Variants in CNTNAP2 observed in about 807,000 individuals in gnomAD.
The protein encoded by CNTNAP2 is contactin-associated protein-like 2.
Under a neutral mutation model 155.2 loss-of-function variants are expected in CNTNAP2, and 98 were observed. The ratio of observed to expected loss-of-function variants is 0.63; its 90% CI spans 0.54 to 0.75. CNTNAP2 has a LOEUF of 0.75. CNTNAP2 is among the 30% of genes least tolerant of loss of function. The probability of loss-of-function intolerance (pLI) is 0.00; values close to 1 mark genes in which losing one functional copy is unlikely to be tolerated. For synonymous variants in CNTNAP2, 651 were observed against 631.2 expected (o/e 1.03, Z -0.47); for missense variants, 1,727 against 1,688.1 (o/e 1.02, Z -0.40).
chr7:147,486,993 A>C (rs1361552718), intron 11 of CNTNAP2, among the ~76,000 whole-genome samples: 2 of 151,744 alleles, frequency 1.3e-5, no homozygotes, highest in Admixed American at 1.3e-4. Context: ...CTAATATCTA[A>C]ATCCTCCGAT....
intron 15 of CNTNAP2, among the ~76,000 whole-genome samples, chr7:147,993,472 T>C (rs967995502): frequency 6.6e-6 from 1 of 152,242 alleles, no homozygotes; most frequent in Non-Finnish European, 1.5e-5. Flanking sequence ...CCTGCAGAAC[T>C]GACAGTTTGC....
At chr7:148,260,642 C>T (rs549329346) in intron 20 of CNTNAP2, among the ~76,000 whole-genome samples, 1 of 152,322 alleles carries the variant, frequency 6.6e-6, no homozygotes, top group Admixed American at 6.5e-5. Flanking sequence ...AACAGCAACT[C>T]CAAGATGTAA....
intron 4 of CNTNAP2, among the ~76,000 whole-genome samples, chr7:147,055,913 T>C (rs184110426): frequency 9.5e-4 from 145 of 152,244 alleles, no homozygotes; most frequent in Non-Finnish European, 1.1e-3. Context: ...CTGGAGACCC[T>C]CCAGGCTTTT....
In CNTNAP2 at chr7:147,983,017, C is replaced by CAAAAAAAAAAAAAAA. The variant is rs35946958; in HGVS notation, c.2383+5033_2383+5047dup. On this transcript the variant is annotated intron_variant, in intron 15 of 23. Transcript: ENST00000361727. ...TGGGTGACAGTGTGAGACTCCACCT[C>CAAAAAAAAAAAAAAA]AAAAAAAAAAAAAAAAAAAGCAAAA... Among the ~76,000 whole-genome samples, 3 of 80,874 alleles carry CAAAAAAAAAAAAAAA rather than the reference C, an allele frequency of 3.7e-5. 1 individual carries two copies. The highest frequency in any genetic ancestry group is 7.1e-5 in the Non-Finnish European group (3 of 42,476). 53.1% of individuals were successfully genotyped at this position (80,874 alleles called of 152,430 possible).
At chr7:148,225,768 A>G (rs984013445) in intron 19 of CNTNAP2, among the ~76,000 whole-genome samples, 6 of 152,206 alleles carry the variant, frequency 3.9e-5, no homozygotes, top group South Asian at 4.1e-4. Context: ...GGTAAGATTC[A>G]GGGCATATTT....
At chr7:147,054,637 T>C (rs1413509804) in intron 4 of CNTNAP2, among the ~76,000 whole-genome samples, 1 of 152,136 alleles carries the variant, frequency 6.6e-6, no homozygotes, top group East Asian at 1.9e-4. Context: ...TAGTTTTCAT[T>C]ATCACCTATT....
rs547248192 is a variant in CNTNAP2, at chr7:148,272,443, T to G, written c.3475+5317T>G. Among the ~76,000 whole-genome samples, 5 of 152,292 alleles carry G rather than the reference T, an allele frequency of 3.3e-5. No homozygotes were observed. The East Asian group carries it at 9.6e-4, about 29-fold the overall frequency. ...GGGTGTTCTGTTTGCTCATGTCCTTTTCAACATCTCTATTAATGCCTTGGA... is the reference window on the plus strand; with the variant it reads ...GGGTGTTCTGTTTGCTCATGTCCTTGTCAACATCTCTATTAATGCCTTGGA... On this transcript the variant is annotated intron_variant, in intron 21 of 23. Transcript: ENST00000361727.
chr7:148,163,336 G>T (rs1373288578), intron 17 of CNTNAP2, among the ~76,000 whole-genome samples: 1 of 152,178 alleles, frequency 6.6e-6, no homozygotes, highest in Non-Finnish European at 1.5e-5. Flanking sequence ...TTCTGGAATA[G>T]TGCCTGATAC....
At chr7:147,025,648 T>C (rs866632251) in intron 3 of CNTNAP2, among the ~76,000 whole-genome samples, 1 of 151,880 alleles carries the variant, frequency 6.6e-6, no homozygotes, top group Admixed American at 6.6e-5. Flanking sequence ...CCAAACTGTA[T>C]CATCAACTAT....
intron 13 of CNTNAP2, among the ~76,000 whole-genome samples, chr7:147,732,090 A>C (rs148176245): frequency 3.0e-4 from 46 of 152,054 alleles, no homozygotes; most frequent in African/African-American, 1.0e-3. Context: ...CACAGTGAGC[A>C]GGTTTGTTAC....
intron 14 of CNTNAP2, among the ~76,000 whole-genome samples, chr7:147,969,631 T>C (rs1339934606): frequency 6.6e-6 from 1 of 152,100 alleles, no homozygotes; most frequent in African/African-American, 2.4e-5. Context: ...AGTAGAGACT[T>C]GGACAGAGGG....
chr7:147,692,452 A>G (rs1413036859), intron 13 of CNTNAP2, among the ~76,000 whole-genome samples: 1 of 152,158 alleles, frequency 6.6e-6, no homozygotes, highest in Admixed American at 6.6e-5. Context: ...CAAAGTGGCC[A>G]TACCATTTTG....
intron 2 of CNTNAP2, among the ~76,000 whole-genome samples, chr7:146,813,374 A>G (rs2129194329): frequency 6.6e-6 from 1 of 152,294 alleles, no homozygotes; most frequent in South Asian, 2.1e-4. Context: ...CATCAATGTG[A>G]CCTAGATGTG....
intron 3 of CNTNAP2, among the ~76,000 whole-genome samples, chr7:146,940,696 T>TATAC (rs1554412616): frequency 2.0e-3 from 303 of 149,088 alleles, no homozygotes; most frequent in African/African-American, 2.7e-3. Flanking sequence ...TATATATATA[T>TATAC]ACACACACAC....
intron 9 of CNTNAP2, among the ~76,000 whole-genome samples, chr7:147,345,009 A>G (rs1460376783): frequency 5.9e-5 from 9 of 152,086 alleles, no homozygotes; most frequent in Admixed American, 6.5e-5. Context: ...TCAGGAAACT[A>G]TATGTCTTTT....
At chr7:146,125,611 A>G (rs1797624482) in intron 1 of CNTNAP2, among the ~76,000 whole-genome samples, 1 of 150,796 alleles carries the variant, frequency 6.6e-6, no homozygotes, top group Non-Finnish European at 1.5e-5. Context: ...AAAAAAGAAT[A>G]ACTATTTTAT....
chr7:148,397,861 C>T (rs1799502571), intron 22 of CNTNAP2, among the ~76,000 whole-genome samples: 7 of 152,196 alleles, frequency 4.6e-5, no homozygotes, highest in Admixed American at 4.6e-4. Flanking sequence ...GCCATTTCAC[C>T]TGTCAGGAAG....
At chr7:147,406,255 G>A (rs778328059) in intron 10 of CNTNAP2, among the ~76,000 whole-genome samples, 2 of 152,100 alleles carry the variant, frequency 1.3e-5, no homozygotes, top group African/African-American at 4.8e-5. Context: ...TTGTTATCTG[G>A]TTTATTAGTA....
chr7:148,346,042 A>G (rs1028520920), intron 21 of CNTNAP2, among the ~76,000 whole-genome samples: 2 of 152,014 alleles, frequency 1.3e-5, no homozygotes, highest in Non-Finnish European at 1.5e-5. Context: ...AGTTTGATAG[A>G]CTTGGCACTT....
Sources: allele counts gnomAD v4.1 joint callset (sites outside exome capture counted in the v4.1 genomes callset), GRCh38; gene constraint gnomAD v4.1.1; transcripts MANE v1.5; gene names NCBI Gene and HGNC (gene_info 2026-07-23, HGNC 2026-07-21).